CPS1: variants seen among roughly 807,000 people sequenced by gnomAD.
CPS1 encodes carbamoyl-phosphate synthase [ammonia], mitochondrial.
A neutral mutation model predicts 174.6 loss-of-function variants in CPS1; 109 were observed. The ratio of observed to expected loss-of-function variants is 0.62; its 90% CI spans 0.53 to 0.73. The LOEUF (loss-of-function observed/expected upper bound fraction) is 0.73, where lower values mean the gene tolerates loss of function less well. Among genes scored for constraint, CPS1 ranks in the 30% least tolerant of loss-of-function variants. The pLI is 0.00. For missense variants in CPS1, 1,689 were observed against 1,821.9 expected (o/e 0.93, Z 1.33); for synonymous variants, 637 against 632.0 (o/e 1.01, Z -0.12).
chr2:210,604,840 C>T, intron 16 of CPS1: 1 of 421,036 alleles, frequency 2.4e-6, no homozygotes, highest in Non-Finnish European at 4.4e-6. Flanking sequence ...TCTCTTTTTC[C>T]TAAATTAGTT....
intron 4 of CPS1, among the ~76,000 whole-genome samples, chr2:210,578,481 T>C (rs1697787200): frequency 6.6e-6 from 1 of 152,312 alleles, no homozygotes; most frequent in African/African-American, 2.4e-5. Flanking sequence ...CTTAAGTTAA[T>C]GGACCTGCTT....
chr2:210,582,350 A>C (rs1363704645), intron 5 of CPS1, among the ~76,000 whole-genome samples: 3 of 152,162 alleles, frequency 2.0e-5, no homozygotes, highest in Admixed American at 6.6e-5. Context: ...TGGAGACCTG[A>C]ATTCTGATGC....
chr2:210,677,975 A>G lies in CPS1; in HGVS notation c.4493A>G (p.Lys1498Arg). ...CACTACAGGCAGTACAGTGCTGGAA[A>G]AGCAGCATAGAGATGCAGACACCCC... ...LFHYRQYSAG[K>R]AA Residue 1498 changes from lysine to arginine, a missense_variant, in exon 38 of 38, where the codon AAA (lysine) becomes AGA (arginine). Physicochemically the swap from Lys to Arg is conservative, Grantham distance 26 (BLOSUM62 2). Transcript: ENST00000233072. 6.2e-7 allele frequency: 1 copy of G among 1,613,266 alleles called. No homozygotes were observed. The highest frequency in any genetic ancestry group is 8.5e-7 in the Non-Finnish European group (1 of 1,179,176).
In CPS1 at chr2:210,637,824, T is replaced by A. The variant is rs760714614; in HGVS notation, c.2810T>A (p.Ile937Asn). Residue 937 changes from isoleucine to asparagine, a missense_variant, in exon 22 of 38, where the codon ATC becomes AAC. Transcript: ENST00000233072. The stretch of plus-strand genomic sequence containing the variant: ...AGGGAGCTGAGGTTAAAGAAAAACA[T>A]CCACCCTTGGGTTAAACAGGTAAAG... ...QTRELRLKKN[I>N]HPWVKQIDTL... 17 of 1,613,720 alleles carry A rather than the reference T, an allele frequency of 1.1e-5. No individual in the cohort carries two copies. The Admixed American group carries it at 1.8e-4, about 17-fold the overall frequency.
intron 21 of CPS1, among the ~76,000 whole-genome samples, chr2:210,624,147 C>T (rs1322067221): frequency 1.3e-5 from 2 of 152,042 alleles, no homozygotes; most frequent in African/African-American, 4.8e-5. Context: ...TGATTGAACA[C>T]TTTAGTGGAA....
intron 1 of CPS1, among the ~76,000 whole-genome samples, chr2:210,500,550 G>A (rs189472185): frequency 8.4e-4 from 128 of 152,264 alleles, no homozygotes; most frequent in African/African-American, 2.7e-3. Context: ...ATGCAAGTCC[G>A]ACATTCAATA....
intron 1 of CPS1, among the ~76,000 whole-genome samples, chr2:210,492,560 A>G (rs1219455502): frequency 6.6e-6 from 1 of 151,812 alleles, no homozygotes; most frequent in Non-Finnish European, 1.5e-5. Context: ...AATTTAGAAG[A>G]TACTTTTTTT....
In CPS1 at chr2:210,616,457, A is replaced by G; in HGVS notation, c.2603A>G (p.Glu868Gly). 1.9e-6 allele frequency: 3 copies of G among 1,612,276 alleles called. No homozygotes were observed. The highest frequency in any genetic ancestry group is 2.5e-6 in the Non-Finnish European group (3 of 1,178,734). ...IDDNMSLDEI[E>G]KLTYIDKWFL... Reference sequence around the variant, plus strand: ...GACAACATGTCCCTTGATGAGATTGAGAAGCTCACATACATTGACAAGTGG... The same window carrying G: ...GACAACATGTCCCTTGATGAGATTGGGAAGCTCACATACATTGACAAGTGG... Residue 868 changes from glutamate to glycine, a missense_variant, in exon 21 of 38, where the codon GAG becomes GGG. Coordinates refer to ENST00000233072, the MANE Select transcript of CPS1 (RefSeq NM_001875.5).
chr2:210,554,083 ATATGTATATGTATG>A (rs1696803246), upstream of CPS1, among the ~76,000 whole-genome samples: 1 of 144,824 alleles, frequency 6.9e-6, no homozygotes, highest in Non-Finnish European at 1.5e-5. Context: ...ATATACATAC[ATATGTATATGTATG>A]TATATACACA....
At chr2:210,520,574 T>G (rs1401079930) in intron 1 of CPS1, among the ~76,000 whole-genome samples, 1 of 152,066 alleles carries the variant, frequency 6.6e-6, no homozygotes, top group Admixed American at 6.6e-5. Flanking sequence ...TCAATATTTC[T>G]TAATGCCTTT....
intron 19 of CPS1, 40 bp from the exon 20 acceptor site, chr2:210,612,077 G>A: frequency 1.3e-6 from 2 of 1,565,524 alleles, no homozygotes; most frequent in Non-Finnish European, 1.8e-6. Flanking sequence ...AGATACATAA[G>A]CTCTTTCTTT....
chr2:210,640,530 G>A (rs1700188000), intron 24 of CPS1, among the ~76,000 whole-genome samples: 1 of 152,148 alleles, frequency 6.6e-6, no homozygotes. Context: ...TGGTGCATGG[G>A]TAGAGCATTA....
chr2:210,617,884 A>G (rs1699365095), intron 21 of CPS1: 1 of 152,024 alleles, frequency 6.6e-6, no homozygotes, highest in Non-Finnish European at 1.5e-5. Flanking sequence ...GTTTCAGGCA[A>G]CTGATTTCAA....
rs1282851574 is a variant in CPS1, at chr2:210,645,589, G to T, written c.3142-2274G>T. Reference sequence around the variant, plus strand: ...GAGGGTAGATCACTTGAGGCCAGGAGTTCAAGACCAGCCTGGACCCCATCT... The same window carrying T: ...GAGGGTAGATCACTTGAGGCCAGGATTTCAAGACCAGCCTGGACCCCATCT... On this transcript the variant is annotated intron_variant, in intron 25 of 37. Transcript: ENST00000233072. 3.3e-5 allele frequency among the ~76,000 whole-genome samples: 5 copies of T among 152,060 alleles called. No homozygotes were observed. In the South Asian group the frequency reaches 8.3e-4, roughly 25 times the overall value.
chr2:210,590,245 C>T lies in CPS1; in HGVS notation c.840+11C>T, dbSNP rs747635578. 3.1e-6 allele frequency: 5 copies of T among 1,612,416 alleles called. No homozygotes were observed. The East Asian group carries it at 8.9e-5, about 29-fold the overall frequency. On this transcript the variant is annotated intron_variant, in intron 8 of 37. Coordinates refer to ENST00000233072, the MANE Select transcript of CPS1 (RefSeq NM_001875.5). ...CAGAATGTCAGAAAGGTGCAATGAA[C>T]CTTGAATTCATGTGTATCTGTGTGG...
intron 8 of CPS1, 73 bp downstream of exon 8, chr2:210,590,307 G>C: frequency 6.2e-7 from 1 of 1,600,482 alleles, no homozygotes; most frequent in Non-Finnish European, 8.6e-7. Flanking sequence ...TCAAAGGGCT[G>C]TGATACATTT....
rs1047883 is a variant in CPS1 at position 210,591,913 on chromosome 2, A to G, written c.1030A>G (p.Thr344Ala). Residue 344 changes from threonine to alanine, a missense_variant, in exon 10 of 38, where the codon ACC (threonine) becomes GCC (alanine). Physicochemically the swap from Thr to Ala is moderately conservative, Grantham distance 58. Coordinates refer to ENST00000233072, the MANE Select transcript of CPS1 (RefSeq NM_001875.5). The stretch of plus-strand genomic sequence containing the variant: ...GAATCATGGCTATGCCTTGGACAAC[A>G]CCCTCCCTGCTGGCTGGAAACCACT... ...AQNHGYALDN[T>A]LPAGWKPLFV... The G allele has an allele frequency of 0.57, 912,709 of 1,610,050 alleles. 260,102 individuals are homozygous for G. The highest frequency in any genetic ancestry group is 0.65 in the Middle Eastern group (3,921 of 6,042).
chr2:210,568,459 G>A (rs568546395), intron 1 of CPS1, among the ~76,000 whole-genome samples: 17 of 152,188 alleles, frequency 1.1e-4, no homozygotes, highest in African/African-American at 3.6e-4. Context: ...CAAGTAGGAG[G>A]CAATAGCAGG....
intron 34 of CPS1, chr2:210,674,364 T>A (rs1391524012): frequency 6.6e-6 from 1 of 152,616 alleles, no homozygotes; most frequent in Non-Finnish European, 1.4e-5. Flanking sequence ...TCCCAGCTAC[T>A]CGGGAGGCTG....
Sources: gnomAD v4.1 joint callset for allele counts (sites outside exome capture counted in the v4.1 genomes callset) on GRCh38, gnomAD v4.1.1 for gene constraint, MANE v1.5 for transcripts, NCBI Gene and HGNC (gene_info 2026-07-23, HGNC 2026-07-21) for gene names.